RFX4: variants seen among roughly 807,000 people sequenced by gnomAD.
RFX4 encodes the protein transcription factor RFX4.
RFX4 carries 10 observed loss-of-function variants against 95.0 expected under a neutral mutation model. The ratio of observed to expected loss-of-function variants is 0.11; its 90% CI spans 0.06 to 0.18. The LOEUF is 0.18. Ranked by LOEUF, RFX4 falls within the 10% of genes least tolerant of loss-of-function variation. RFX4 has a pLI of 1.00. For missense variants in RFX4, 640 were observed against 922.0 expected, an observed-to-expected ratio of 0.69 and a Z score of 3.96; for synonymous variants, 321 against 340.7, an observed-to-expected ratio of 0.94 and a Z score of 0.64.
intron 13 of RFX4, among the ~76,000 whole-genome samples, chr12:106,721,620 T>C (rs2042397463): frequency 6.6e-6 from 1 of 152,214 alleles, no homozygotes; most frequent in African/African-American, 2.4e-5. Flanking sequence ...CAAACTGAGA[T>C]GGGACTTTTA....
intron 2 of RFX4, among the ~76,000 whole-genome samples, chr12:106,622,932 T>C (rs1433613369): frequency 1.3e-5 from 2 of 151,854 alleles, no homozygotes; most frequent in Non-Finnish European, 2.9e-5. Context: ...AATTGCATTT[T>C]TTCCCCCTAG....
At chr12:106,674,036 C>A (rs1263404710) in intron 4 of RFX4, among the ~76,000 whole-genome samples, 2 of 152,198 alleles carry the variant, frequency 1.3e-5, no homozygotes, top group Admixed American at 1.3e-4. Flanking sequence ...TAAAAGCAGA[C>A]AGCTTACAAA....
rs2043203108 is a variant in RFX4, at chr12:106,761,223, G to A, written c.1962G>A (p.Arg654=). The A allele has an allele frequency of 1.9e-6, 3 of 1,613,742 alleles. No homozygotes were observed. Among genetic ancestry groups the A allele is most frequent in the Non-Finnish European group, 2.5e-6 (3 of 1,179,790 alleles). ...ACCCTTTTAATAGCCCCACTTCCCGGATGGAACCTTGTTTGATGAGCAGTA... is the reference window on the plus strand; with the variant it reads ...ACCCTTTTAATAGCCCCACTTCCCGAATGGAACCTTGTTTGATGAGCAGTA... ...AQYPFNSPTS[R]MEPCLMSSTP... Residue 654 remains arginine (R), a synonymous_variant, in exon 18 of 18, where the codon CGG becomes CGA. Transcript: ENST00000392842.
chr12:106,669,490 C>A (rs1592918485), intron 4 of RFX4, among the ~76,000 whole-genome samples: 1 of 152,112 alleles, frequency 6.6e-6, no homozygotes, highest in Non-Finnish European at 1.5e-5. Context: ...TTCTGGGGAC[C>A]TGTGCTTCAT....
chr12:106,679,282 AC>A (rs2041456148), intron 4 of RFX4, among the ~76,000 whole-genome samples: 1 of 152,130 alleles, frequency 6.6e-6, no homozygotes, highest in Non-Finnish European at 1.5e-5. Context: ...ACATGGCGAA[AC>A]CCTGTCTCTA....
intron 8 of RFX4, among the ~76,000 whole-genome samples, chr12:106,702,889 A>T (rs1458215168): frequency 3.3e-5 from 5 of 151,920 alleles, no homozygotes; most frequent in Non-Finnish European, 5.9e-5. Flanking sequence ...CTTCCTCCAA[A>T]CATGTACCTC....
intron 2 of RFX4, among the ~76,000 whole-genome samples, chr12:106,615,888 A>G (rs2040062024): frequency 6.6e-6 from 1 of 152,230 alleles, no homozygotes; most frequent in East Asian, 1.9e-4. Flanking sequence ...TTCTATGAAC[A>G]TCATCATGTC....
chr12:106,761,069 T>C (rs2043200940), intron 17 of RFX4, 128 bp from the exon 18 acceptor site: 2 of 1,021,324 alleles, frequency 2.0e-6, no homozygotes, highest in East Asian at 2.4e-5. Flanking sequence ...AGTTCAGTGA[T>C]TCTTCTCCAT....
At chr12:106,679,556 T>C (rs556326619) in intron 4 of RFX4, among the ~76,000 whole-genome samples, 1 of 152,330 alleles carries the variant, frequency 6.6e-6, no homozygotes, top group East Asian at 1.9e-4. Flanking sequence ...AATTTCTGCT[T>C]TTTCTAAGCA....
At chr12:106,603,355 A>T (rs2039753383) in intron 1 of RFX4, among the ~76,000 whole-genome samples, 1 of 152,198 alleles carries the variant, frequency 6.6e-6, no homozygotes, top group Admixed American at 6.5e-5. Context: ...GCTCTGCTCA[A>T]CCTCATTATA....
chr12:106,674,406 C>T (rs2041351530), intron 4 of RFX4, among the ~76,000 whole-genome samples: 1 of 151,254 alleles, frequency 6.6e-6, no homozygotes, highest in Non-Finnish European at 1.5e-5. Flanking sequence ...TCTCGGCTCA[C>T]TGCAACCTCT....
At chr12:106,723,775 T>C (rs2042438909) in intron 13 of RFX4, among the ~76,000 whole-genome samples, 1 of 152,138 alleles carries the variant, frequency 6.6e-6, no homozygotes. Flanking sequence ...ACCTTAATGT[T>C]CGCAATGTCA....
At chr12:106,665,183 T>A (rs1374349248) in intron 4 of RFX4, among the ~76,000 whole-genome samples, 1 of 151,894 alleles carries the variant, frequency 6.6e-6, no homozygotes, top group Non-Finnish European at 1.5e-5. Flanking sequence ...TAGGCACATG[T>A]ATATTAAGAA....
chr12:106,723,648 A>G (rs1203716189), intron 13 of RFX4, among the ~76,000 whole-genome samples: 1 of 152,166 alleles, frequency 6.6e-6, no homozygotes, highest in African/African-American at 2.4e-5. Context: ...CCATGTGGGC[A>G]TGTGTCAGGG....
chr12:106,607,798 T>A (rs1565948069), intron 1 of RFX4, among the ~76,000 whole-genome samples: 1 of 151,996 alleles, frequency 6.6e-6, no homozygotes, highest in African/African-American at 2.4e-5. Flanking sequence ...TGGTGGGTGG[T>A]CTAGAAAACA....
intron 4 of RFX4, among the ~76,000 whole-genome samples, chr12:106,670,050 C>T (rs1429935821): frequency 6.6e-6 from 1 of 151,978 alleles, no homozygotes; most frequent in African/African-American, 2.4e-5. Flanking sequence ...AGAACTGTTG[C>T]GATAATGACT....
intron 2 of RFX4, among the ~76,000 whole-genome samples, chr12:106,613,048 G>A (rs1203902935): frequency 6.6e-6 from 1 of 151,480 alleles, no homozygotes. Flanking sequence ...GTTAGCTGTT[G>A]TTTTTTTATA....
At chr12:106,716,687 C>T (rs2042299113) in intron 11 of RFX4, among the ~76,000 whole-genome samples, 1 of 152,102 alleles carries the variant, frequency 6.6e-6, no homozygotes, top group Non-Finnish European at 1.5e-5. Context: ...CCACTTTTCC[C>T]CTGGTAAGAA....
intron 7 of RFX4, among the ~76,000 whole-genome samples, chr12:106,691,332 G>C (rs2041777267): frequency 6.6e-6 from 1 of 152,244 alleles, no homozygotes; most frequent in Non-Finnish European, 1.5e-5. Flanking sequence ...AGTGTTCAGA[G>C]ATTTGGCCAA....
Sources: allele counts gnomAD v4.1 joint callset (sites outside exome capture counted in the v4.1 genomes callset), GRCh38; gene constraint gnomAD v4.1.1; transcripts MANE v1.5; gene names NCBI Gene and HGNC (gene_info 2026-07-23, HGNC 2026-07-21).